Variants in SBF2 observed in about 807,000 individuals in gnomAD.
The protein encoded by SBF2 is myotubularin-related protein 13.
Under a neutral mutation model 225.2 loss-of-function variants are expected in SBF2, and 112 were observed. The observed-to-expected ratio is 0.50, with a 90% CI of 0.43 to 0.58. SBF2 has a LOEUF of 0.58. Ranked by LOEUF, SBF2 falls within the 20% of genes least tolerant of loss-of-function variation. The pLI, the probability that SBF2 is intolerant of heterozygous loss-of-function variation, is 0.00. For synonymous variants in SBF2, 763 were observed against 773.3 expected (o/e 0.99, Z 0.22); for missense variants, 1,996 against 2,206.2 (o/e 0.90, Z 1.91).
At chr11:10,094,966 A>C (rs968806135) in intron 2 of SBF2, among the ~76,000 whole-genome samples, 2 of 152,086 alleles carry the variant, frequency 1.3e-5, no homozygotes, top group Non-Finnish European at 2.9e-5. Flanking sequence ...GGTTATGGCC[A>C]GCTGAGAAAA....
intron 2 of SBF2, among the ~76,000 whole-genome samples, chr11:10,111,867 A>T (rs1278426132): frequency 6.6e-6 from 1 of 152,240 alleles, no homozygotes; most frequent in Non-Finnish European, 1.5e-5. Context: ...ACACAGTGAG[A>T]CTCAGTCTCA....
chr11:10,055,535 AC>A (rs2134732292), intron 2 of SBF2, among the ~76,000 whole-genome samples: 1 of 131,770 alleles, frequency 7.6e-6, no homozygotes, highest in Admixed American at 7.4e-5. Flanking sequence ...ACACACACAC[AC>A]ACACACACAC....
chr11:10,047,940 G>A (rs1949926404), intron 2 of SBF2, among the ~76,000 whole-genome samples: 2 of 152,138 alleles, frequency 1.3e-5, no homozygotes, highest in East Asian at 1.9e-4. Flanking sequence ...ATCAGGCCAC[G>A]CTGTTCCTCT....
chr11:10,054,015 GT>G (rs1233930993), intron 2 of SBF2, among the ~76,000 whole-genome samples: 7 of 151,900 alleles, frequency 4.6e-5, no homozygotes, highest in Non-Finnish European at 1.0e-4. Flanking sequence ...CAAACATTTT[GT>G]TTTTACAGAA....
intron 14 of SBF2, among the ~76,000 whole-genome samples, chr11:9,967,963 CTCTCTCTCTATATATA>C (rs139025132): frequency 0.12 from 13,685 of 118,686 alleles, 872 homozygotes; most frequent in Middle Eastern, 0.19. Context: ...CTCTCTCTCT[CTCTCTCTCTATATATA>C]TATATATATA....
At chr11:10,235,566 T>C (rs934904132) in intron 1 of SBF2, among the ~76,000 whole-genome samples, 38 of 151,586 alleles carry the variant, frequency 2.5e-4, no homozygotes, top group Non-Finnish European at 4.4e-4. Flanking sequence ...ATTGAGAACC[T>C]TGACCAACAC....
chr11:9,845,078 A>C (rs989709150), intron 24 of SBF2, among the ~76,000 whole-genome samples: 2 of 152,210 alleles, frequency 1.3e-5, no homozygotes, highest in African/African-American at 4.8e-5. Context: ...CAAATGGACC[A>C]AAGTAGAAAC....
intron 16 of SBF2, among the ~76,000 whole-genome samples, chr11:9,917,680 CT>C (rs140013793): frequency 5.4e-4 from 80 of 148,894 alleles, no homozygotes; most frequent in Admixed American, 3.5e-3. Flanking sequence ...GTATTCCTCA[CT>C]TTTTTTTTTC....
At chr11:9,937,135 C>A (rs1590530220) in intron 16 of SBF2, among the ~76,000 whole-genome samples, 2 of 152,050 alleles carry the variant, frequency 1.3e-5, no homozygotes, top group East Asian at 3.9e-4. Flanking sequence ...GAAAATTGCC[C>A]AGAATTTAAG....
At chr11:9,980,500 A>G (rs1351356120) in intron 13 of SBF2, among the ~76,000 whole-genome samples, 3 of 152,126 alleles carry the variant, frequency 2.0e-5, no homozygotes, top group Non-Finnish European at 4.4e-5. Context: ...TGTTAGTAAT[A>G]TTACTGCTCC....
chr11:10,180,560 A>C (rs1211551010), intron 2 of SBF2, among the ~76,000 whole-genome samples: 2 of 152,036 alleles, frequency 1.3e-5, no homozygotes, highest in Non-Finnish European at 2.9e-5. Context: ...TCTTCTTTGG[A>C]TTAAATCTGC....
At chr11:9,841,252 A>G (rs1395986723) in intron 25 of SBF2, among the ~76,000 whole-genome samples, 3 of 152,228 alleles carry the variant, frequency 2.0e-5, no homozygotes, top group Non-Finnish European at 4.4e-5. Context: ...AGGAGCAAAG[A>G]ACATTATATA....
intron 16 of SBF2, among the ~76,000 whole-genome samples, chr11:9,910,803 C>T (rs1862541985): frequency 6.7e-6 from 1 of 149,996 alleles, no homozygotes; most frequent in South Asian, 2.1e-4. Flanking sequence ...AATCCCAGCA[C>T]CATGGGAGGC....
At chr11:9,895,876 T>G (rs1689255653) in intron 17 of SBF2, 67 bp downstream of exon 17, 1 of 1,188,930 alleles carries the variant, frequency 8.4e-7, no homozygotes, top group Admixed American at 1.7e-5. Context: ...TGTAGTTCCA[T>G]AATAAATCAA....
chr11:9,866,062 AT>A (rs1858195506), intron 17 of SBF2, among the ~76,000 whole-genome samples: 2 of 152,200 alleles, frequency 1.3e-5, no homozygotes, highest in Admixed American at 6.5e-5. Flanking sequence ...GTCCCAGTAA[AT>A]GTGGTAATTC....
At chr11:10,187,755 GA>G (rs1418235553) in intron 2 of SBF2, among the ~76,000 whole-genome samples, 9 of 151,276 alleles carry the variant, frequency 5.9e-5, no homozygotes, top group East Asian at 1.9e-4. Context: ...TAAATAAGGG[GA>G]AAAAAAACCT....
At chr11:10,193,351 C>CTTTTTT (rs60903141) in intron 2 of SBF2, among the ~76,000 whole-genome samples, 30 of 110,500 alleles carry the variant, frequency 2.7e-4, no homozygotes, top group Non-Finnish European at 3.6e-4. Flanking sequence ...TCAATTTCAT[C>CTTTTTT]TTTTTTTTTT....
chr11:10,110,178 G>A (rs552904210), intron 2 of SBF2, among the ~76,000 whole-genome samples: 1 of 152,148 alleles, frequency 6.6e-6, no homozygotes, highest in East Asian at 1.9e-4. Context: ...GATAAAAATA[G>A]CAAAAAAGGA....
chr11:9,994,050 A>G (rs1947557536), intron 9 of SBF2, 52 bp from the exon 10 acceptor site: 2 of 1,108,324 alleles, frequency 1.8e-6, no homozygotes, highest in Non-Finnish European at 2.7e-6. Flanking sequence ...AATGAAATCT[A>G]TTATTGAGAC....
Sources: allele counts gnomAD v4.1 joint callset (sites outside exome capture counted in the v4.1 genomes callset), GRCh38; gene constraint gnomAD v4.1.1; transcripts MANE v1.5; gene names NCBI Gene and HGNC (gene_info 2026-07-23, HGNC 2026-07-21).